Variants in TMEM229B observed in about 807,000 individuals in gnomAD.
TMEM229B encodes the protein transmembrane protein 229B.
Under a neutral mutation model 13.7 loss-of-function variants are expected in TMEM229B, and 6 were observed. The observed-to-expected ratio is 0.44, with a 90% CI of 0.24 to 0.86. The LOEUF is 0.86. Among genes scored for constraint, TMEM229B ranks in the 40% least tolerant of loss-of-function variants. The pLI, the probability that TMEM229B is intolerant of heterozygous loss-of-function variation, is 0.23. For missense variants in TMEM229B, 170 were observed against 236.0 expected, an observed-to-expected ratio of 0.72 and a Z score of 1.83; for synonymous variants, 107 against 102.1, an observed-to-expected ratio of 1.05 and a Z score of -0.29.
upstream of TMEM229B, among the ~76,000 whole-genome samples, chr14:67,493,472 G>A (rs992255328): frequency 1.1e-4 from 17 of 152,350 alleles, no homozygotes; most frequent in Non-Finnish European, 1.8e-4. Context: ...CCTTTGTTCA[G>A]TGTGCTCTCG....
upstream of TMEM229B, among the ~76,000 whole-genome samples, chr14:67,517,478 C>A (rs954093186): frequency 4.6e-5 from 7 of 152,082 alleles, no homozygotes; most frequent in Non-Finnish European, 7.4e-5. Context: ...ACATTGAGGT[C>A]AAAGAAAAAT....
At chr14:67,516,278 G>A (rs1208139574), upstream of TMEM229B, among the ~76,000 whole-genome samples, 2 of 152,126 alleles carry the variant, frequency 1.3e-5, no homozygotes, top group Non-Finnish European at 2.9e-5. Context: ...CACCCTCTGG[G>A]GGTGTCCTTT....
intron 2 of TMEM229B, among the ~76,000 whole-genome samples, chr14:67,485,021 C>T (rs913649304): frequency 3.7e-4 from 57 of 152,214 alleles, no homozygotes; most frequent in African/African-American, 1.4e-3. Flanking sequence ...ACAGTTGTTT[C>T]CCATTTCTAC....
chr14:67,473,671 A>T lies in TMEM229B; in HGVS notation c.253T>A (p.Tyr85Asn). ...AAGCCGGTGGTGAACTCCCACAGGT[A>T]GGTCCAGAGCGTGTAGATGAGGCAG... ...LRCLIYTLWT[Y>N]LWEFTTGFIL... The change falls in exon 3 of 3, where the codon TAC (tyrosine) becomes AAC (asparagine). Residue 85 changes from tyrosine to asparagine, a missense_variant. By Grantham distance (143) the Tyr-to-Asn change is moderately radical (BLOSUM62 -2). This residue lies in a region of TMEM229B where 57 missense variants were observed against 66.7 expected (regional missense o/e 0.85). Transcript: ENST00000554480. The surrounding 1 kb of genome is among the most constrained non-coding windows in gnomAD (Gnocchi z 6.5). The T allele has an allele frequency of 6.3e-7, 1 of 1,581,672 alleles. No individual in the cohort carries two copies. The highest frequency in any genetic ancestry group is 8.6e-7 in the Non-Finnish European group (1 of 1,163,936).
At chr14:67,481,232 A>T (rs2031566124) in intron 2 of TMEM229B, among the ~76,000 whole-genome samples, 1 of 152,166 alleles carries the variant, frequency 6.6e-6, no homozygotes, top group South Asian at 2.1e-4. Context: ...ACAGTGAGCT[A>T]TGATTGTGCC....
chr14:67,483,854 C>A (rs2031730402), intron 2 of TMEM229B, among the ~76,000 whole-genome samples: 2 of 152,168 alleles, frequency 1.3e-5, no homozygotes, highest in African/African-American at 4.8e-5. Context: ...GAGGAGCGGT[C>A]CGAACACAGA....
chr14:67,513,686 G>T (rs1281542298), intron 1 of TMEM229B, among the ~76,000 whole-genome samples: 1 of 152,172 alleles, frequency 6.6e-6, no homozygotes, highest in Non-Finnish European at 1.5e-5. Context: ...TGTATCATTA[G>T]GTCATTCACA....
chr14:67,498,650 G>A (rs1354793942), intron 1 of TMEM229B, among the ~76,000 whole-genome samples: 1 of 152,112 alleles, frequency 6.6e-6, no homozygotes, highest in Non-Finnish European at 1.5e-5. Flanking sequence ...CAGAATAAAG[G>A]CAATGTGTTT....
At chr14:67,499,138 G>T (rs887434376) in intron 1 of TMEM229B, among the ~76,000 whole-genome samples, 2 of 152,012 alleles carry the variant, frequency 1.3e-5, no homozygotes, top group Middle Eastern at 3.2e-3. Flanking sequence ...AAGTAGCTAG[G>T]ACTACAGGCA....
At chr14:67,512,176 T>C (rs779937328) in intron 1 of TMEM229B, among the ~76,000 whole-genome samples, 6 of 152,184 alleles carry the variant, frequency 3.9e-5, no homozygotes, top group Non-Finnish European at 8.8e-5. Context: ...ACATGCATTC[T>C]CACACACCAC....
chr14:67,488,411 G>A (rs2032002812), intron 1 of TMEM229B, 97 bp downstream of exon 1: 1 of 152,460 alleles, frequency 6.6e-6, no homozygotes, highest in Non-Finnish European at 1.5e-5. Context: ...TCTGCACTGA[G>A]AGCATCACAG....
At chr14:67,508,752 T>TCAAAAAAAAAAAAAAAAA (rs2032919694) in intron 1 of TMEM229B, among the ~76,000 whole-genome samples, 1 of 18,868 alleles carries the variant, frequency 5.3e-5, no homozygotes, top group Non-Finnish European at 1.7e-4. Context: ...AAACCTTGTC[T>TCAAAAAAAAAAAAAAAAA]CAAAAAAAAA....
chr14:67,507,775 T>C (rs2032879339), intron 1 of TMEM229B, among the ~76,000 whole-genome samples: 1 of 152,130 alleles, frequency 6.6e-6, no homozygotes, highest in Non-Finnish European at 1.5e-5. Flanking sequence ...TTGCTCCCCA[T>C]GACATAGGAA....
chr14:67,499,325 A>G (rs1594703654), intron 1 of TMEM229B, among the ~76,000 whole-genome samples: 1 of 152,200 alleles, frequency 6.6e-6, no homozygotes, highest in African/African-American at 2.4e-5. Context: ...ATTGATATCA[A>G]CTGGGTACAC....
At chr14:67,532,597 T>C (rs1326721773) in intron 1 of TMEM229B, among the ~76,000 whole-genome samples, 2 of 151,980 alleles carry the variant, frequency 1.3e-5, no homozygotes, top group African/African-American at 2.4e-5. Context: ...AAATAACATA[T>C]ACATAAGCCG....
chr14:67,510,112 T>C (rs1055790196), intron 1 of TMEM229B, among the ~76,000 whole-genome samples: 1 of 152,234 alleles, frequency 6.6e-6, no homozygotes, highest in Non-Finnish European at 1.5e-5. Context: ...TCACTTTATC[T>C]TGCAGAGCCT....
intron 2 of TMEM229B, among the ~76,000 whole-genome samples, chr14:67,478,454 A>G (rs554848743): frequency 1.4e-4 from 21 of 152,338 alleles, no homozygotes; most frequent in Non-Finnish European, 2.6e-4. Flanking sequence ...GATGACTCCA[A>G]AGGTCTCCCA....
At chr14:67,523,967 C>T (rs2033329814) in intron 1 of TMEM229B, among the ~76,000 whole-genome samples, 1 of 152,102 alleles carries the variant, frequency 6.6e-6, no homozygotes, top group South Asian at 2.1e-4. Flanking sequence ...TCCAGTGACA[C>T]AAAGCAAGAA....
exon 1 of TMEM229B, chr14:67,533,722 C>G (rs12587985): frequency 6.6e-6 from 1 of 152,230 alleles, no homozygotes; most frequent in Non-Finnish European, 1.5e-5. Flanking sequence ...TATCGGTGCT[C>G]GCTCCCTTTC....
Sources: allele counts gnomAD v4.1 joint callset (sites outside exome capture counted in the v4.1 genomes callset), GRCh38; gene constraint gnomAD v4.1.1; regional missense constraint gnomAD v4.1.1; non-coding constraint Gnocchi (gnomAD v3.1); transcripts MANE v1.5; gene names NCBI Gene and HGNC (gene_info 2026-07-23, HGNC 2026-07-21).